The following KIAA1671 variants were observed in gnomAD, a reference collection of about 807,000 sequenced individuals.
KIAA1671 encodes uncharacterized protein KIAA1671.
KIAA1671 carries 52 observed loss-of-function variants against 131.2 expected under a neutral mutation model. The observed-to-expected ratio is 0.40, with a 90% CI of 0.32 to 0.50. KIAA1671 has a LOEUF of 0.50. Ranked by LOEUF, KIAA1671 falls within the 20% of genes least tolerant of loss-of-function variation. The pLI is 0.73. For synonymous variants in KIAA1671, 1,003 were observed against 961.6 expected (o/e 1.04, Z -0.80); for missense variants, 2,360 against 2,364.2 (o/e 1.00, Z 0.04).
chr22:24,973,394 T>TTG lies in KIAA1671; in HGVS notation c.-208+20623_-208+20624insGT, dbSNP rs200562403. On this transcript the variant is annotated intron_variant, in intron 1 of 12. Coordinates refer to ENST00000358431, the MANE Select transcript of KIAA1671 (RefSeq NM_001145206.2). ...ACCCCAAACTGCATATGATGGTTTT[T>TTG]TTTTTTTTTTTTTTTTTTTTTTGAG... Among the ~76,000 whole-genome samples, 25 of 53,076 alleles carry TTG rather than the reference T, an allele frequency of 4.7e-4. 1 individual carries two copies. In the East Asian group the frequency reaches 0.032, roughly 68 times the overall value. The allele number at this position is 53,076 out of a possible 152,430, so 34.8% of individuals were successfully genotyped here.
chr22:25,074,156 C>T (rs1458630673), intron 6 of KIAA1671, among the ~76,000 whole-genome samples: 1 of 151,362 alleles, frequency 6.6e-6, no homozygotes, highest in East Asian at 1.9e-4. Context: ...GCTGTATAAT[C>T]TGTTGTGTGT....
At chr22:24,958,303 T>C in intron 1 of KIAA1671, among the ~76,000 whole-genome samples, 1 of 152,036 alleles carries the variant, frequency 6.6e-6, no homozygotes, top group East Asian at 1.9e-4. Context: ...GAGTATTGCT[T>C]GAGCCCAGGA....
intron 6 of KIAA1671, among the ~76,000 whole-genome samples, chr22:25,078,738 A>G (rs1235044187): frequency 6.6e-6 from 1 of 152,146 alleles, no homozygotes; most frequent in African/African-American, 2.4e-5. Flanking sequence ...TGTCTCAGCA[A>G]TGTCTGTGGC....
intron 6 of KIAA1671, among the ~76,000 whole-genome samples, chr22:25,105,885 C>T (rs542231003): frequency 6.6e-6 from 1 of 151,506 alleles, no homozygotes; most frequent in South Asian, 2.1e-4. Flanking sequence ...CATTTCACTT[C>T]TTTCTGCCGT....
At chr22:25,012,030 G>A (rs1324311310) in intron 1 of KIAA1671, 2 of 152,104 alleles carry the variant, frequency 1.3e-5, no homozygotes, top group Non-Finnish European at 2.9e-5. Context: ...ATCAGAATTG[G>A]GTCACATGGC....
intron 1 of KIAA1671, among the ~76,000 whole-genome samples, chr22:24,958,691 TCAGGCACAGTGGCTCA>T (rs1275286256): frequency 7.0e-6 from 1 of 142,278 alleles, no homozygotes; most frequent in Non-Finnish European, 1.5e-5. Flanking sequence ...AGTCTGGCGG[TCAGGCACAGTGGCTCA>T]CACCTGTAAT....
Position 25,182,791 on chromosome 22 carries a change from G to A in KIAA1671, c.5199+968G>A, listed in dbSNP as rs754281480. On this transcript the variant is annotated intron_variant, in intron 10 of 12. Coordinates refer to ENST00000358431, the MANE Select transcript of KIAA1671 (RefSeq NM_001145206.2). ...ACCAGTGCTGAACATCAGGGAAGCA[G>A]GAGTGAACAAACCCAGGCTCCTGAA... 3.8e-4 allele frequency among the ~76,000 whole-genome samples: 58 copies of A among 152,320 alleles called. 1 individual carries two copies. Among genetic ancestry groups the A allele is most frequent in the Middle Eastern group, 6.8e-3 (2 of 294 alleles).
chr22:25,082,010 A>C (rs1400948752), intron 6 of KIAA1671, among the ~76,000 whole-genome samples: 2 of 152,140 alleles, frequency 1.3e-5, no homozygotes, highest in African/African-American at 2.4e-5. Flanking sequence ...ACAGTGAGCT[A>C]TGGAAGGCTT....
At chr22:25,112,745 T>C (rs978297782) in intron 6 of KIAA1671, 1 of 208,698 alleles carries the variant, frequency 4.8e-6, no homozygotes, top group African/African-American at 2.3e-5. Context: ...GATTTATGTT[T>C]AAGTGTGAAC....
chr22:25,159,213 G>A (rs1933351435), intron 6 of KIAA1671, among the ~76,000 whole-genome samples: 1 of 152,174 alleles, frequency 6.6e-6, no homozygotes, highest in South Asian at 2.1e-4. Context: ...TACGCCTCCT[G>A]CAGACCAGCT....
intron 6 of KIAA1671, among the ~76,000 whole-genome samples, chr22:25,112,870 A>G (rs1270825561): frequency 6.6e-6 from 1 of 152,144 alleles, no homozygotes; most frequent in Non-Finnish European, 1.5e-5. Context: ...TGTCATGTGC[A>G]CGCTGAGTTG....
intron 6 of KIAA1671, chr22:25,054,125 C>G (rs2092182): frequency 0.15 from 22,446 of 147,636 alleles, 2,736 homozygotes; most frequent in South Asian, 0.17. Flanking sequence ...GCAGGAGAAT[C>G]ACTTGATCCC....
intron 6 of KIAA1671, among the ~76,000 whole-genome samples, chr22:25,084,928 G>T (rs1040438989): frequency 3.3e-5 from 5 of 152,252 alleles, no homozygotes; most frequent in Admixed American, 1.3e-4. Context: ...CAACATGGCA[G>T]CTTAGGGCTC....
intron 11 of KIAA1671, 101 bp from the exon 12 acceptor site, chr22:25,190,601 C>T (rs1210574036): frequency 1.5e-5 from 15 of 984,556 alleles, no homozygotes; most frequent in East Asian, 5.3e-5. Context: ...GCCCCAACCC[C>T]GCCTGGGCCC....
At chr22:25,024,005 A>T (rs1925807638) in intron 1 of KIAA1671, 1 of 152,142 alleles carries the variant, frequency 6.6e-6, no homozygotes, top group Non-Finnish European at 1.5e-5. Flanking sequence ...TTATTAATTC[A>T]TTCATTGACT....
intron 1 of KIAA1671, among the ~76,000 whole-genome samples, chr22:24,989,473 T>A (rs185915084): frequency 3.3e-5 from 5 of 152,256 alleles, no homozygotes; most frequent in Non-Finnish European, 5.9e-5. Flanking sequence ...CTCTATCGCC[T>A]TCATAGCCCT....
intron 6 of KIAA1671, chr22:25,052,545 T>C (rs1927593017): frequency 1.3e-5 from 2 of 152,312 alleles, no homozygotes; most frequent in African/African-American, 4.8e-5. Context: ...AGCCATTAAG[T>C]GTCTCTTCCA....
intron 6 of KIAA1671, among the ~76,000 whole-genome samples, chr22:25,140,094 G>GTC (rs1430396339): frequency 3.3e-5 from 5 of 152,368 alleles, no homozygotes; most frequent in African/African-American, 9.6e-5. Context: ...TCTGCATAGA[G>GTC]TCTCACAAGG....
At chr22:25,150,657 G>A (rs549785746) in intron 6 of KIAA1671, among the ~76,000 whole-genome samples, 475 of 152,264 alleles carry the variant, frequency 3.1e-3, no homozygotes, top group Admixed American at 4.6e-3. Flanking sequence ...GAACTCGGGC[G>A]TAGCTGGATG....
Sources: gnomAD v4.1 joint callset for allele counts (sites outside exome capture counted in the v4.1 genomes callset) on GRCh38, gnomAD v4.1.1 for gene constraint, MANE v1.5 for transcripts, NCBI Gene and HGNC (gene_info 2026-07-23, HGNC 2026-07-21) for gene names.